The following XYLT1 variants were observed in gnomAD, a reference collection of about 807,000 sequenced individuals.
XYLT1 encodes beta-D-xylosyltransferase 1.
XYLT1 carries 36 observed loss-of-function variants against 91.3 expected under a neutral mutation model. The ratio of observed to expected loss-of-function variants is 0.39; its 90% CI spans 0.30 to 0.52. The LOEUF is 0.52. Among genes scored for constraint, XYLT1 ranks in the 20% least tolerant of loss-of-function variants. The pLI, the probability that XYLT1 is intolerant of heterozygous loss-of-function variation, is 0.68. For missense variants in XYLT1, 1,242 were observed against 1,284.5 expected (o/e 0.97, Z 0.51); for synonymous variants, 588 against 532.0 (o/e 1.11, Z -1.45).
At position 17,108,657 on chromosome 16, in the gene XYLT1, G is replaced by A. The variant is rs772392168; in HGVS notation, c.*38C>T. ...CCACAACCCCTCTGGCTGCTTTCCCGTTGAGATCCTGCTGTGGCCCACTCC... is the reference window on the plus strand; with the variant it reads ...CCACAACCCCTCTGGCTGCTTTCCCATTGAGATCCTGCTGTGGCCCACTCC... On this transcript the variant is annotated 3_prime_UTR_variant, in exon 12 of 12. Transcript: ENST00000261381. 71 of 1,516,202 alleles carry A rather than the reference G, an allele frequency of 4.7e-5. No individual in the cohort carries two copies. The highest frequency in any genetic ancestry group is 1.4e-4 in the South Asian group (11 of 76,506). 93.9% of individuals were successfully genotyped at this position (1,516,202 alleles called of 1,614,324 possible).
chr16:17,418,920 C>T (rs544943351), intron 1 of XYLT1, among the ~76,000 whole-genome samples: 1 of 152,174 alleles, frequency 6.6e-6, no homozygotes, highest in East Asian at 1.9e-4. Flanking sequence ...GGTCTCTATG[C>T]CCTCTCTGCA....
intron 1 of XYLT1, among the ~76,000 whole-genome samples, chr16:17,441,944 C>A (rs927560957): frequency 6.7e-6 from 1 of 149,788 alleles, no homozygotes; most frequent in Non-Finnish European, 1.5e-5. Flanking sequence ...CCACAGAGTA[C>A]CCAGATAGTC....
At chr16:17,376,827 CAAAAAA>C (rs10684824) in intron 1 of XYLT1, among the ~76,000 whole-genome samples, 15 of 55,670 alleles carry the variant, frequency 2.7e-4, no homozygotes, top group Admixed American at 1.2e-3. Context: ...AACTCTGTCT[CAAAAAA>C]AAAAAAAAAA....
chr16:17,365,197 A>C (rs1325198006), intron 1 of XYLT1, among the ~76,000 whole-genome samples: 6 of 151,794 alleles, frequency 4.0e-5, no homozygotes, highest in African/African-American at 2.4e-5. Context: ...CCTGGCTACC[A>C]CCCTCCACTT....
chr16:17,398,484 A>AT (rs2035918426), intron 1 of XYLT1, among the ~76,000 whole-genome samples: 1 of 152,060 alleles, frequency 6.6e-6, no homozygotes, highest in South Asian at 2.1e-4. Flanking sequence ...AGTATGAGTG[A>AT]TTTTTTTCGG....
intron 1 of XYLT1, among the ~76,000 whole-genome samples, chr16:17,412,135 C>T (rs1294375637): frequency 6.6e-6 from 1 of 152,046 alleles, no homozygotes. Flanking sequence ...AGAAGTATAC[C>T]TACAACTCCT....
chr16:17,141,318 G>A lies in XYLT1; in HGVS notation c.1422C>T (p.His474=), dbSNP rs766567010. The A allele has an allele frequency of 5.0e-6, 8 of 1,614,220 alleles. No homozygotes were observed. The Admixed American group carries it at 8.3e-5, about 17-fold the overall frequency. The part of the protein sequence containing the change: ...LDRLFLECDA[H]MWRLGDRRIP... The stretch of plus-strand genomic sequence containing the variant: ...TCCGCCGATCTCCCAGGCGCCACAT[G>A]TGAGCGTCGCACTCCAGGAAGAGCC... The change falls in exon 7 of 12, where the codon CAC becomes CAT. Residue 474 remains histidine, a synonymous_variant. Coordinates refer to ENST00000261381, the MANE Select transcript of XYLT1 (RefSeq NM_022166.4).
chr16:17,232,209 ATT>A (rs1262416580), intron 3 of XYLT1, among the ~76,000 whole-genome samples: 1 of 138,690 alleles, frequency 7.2e-6, no homozygotes, highest in Non-Finnish European at 1.5e-5. Flanking sequence ...TATAATATAT[ATT>A]ATATATACAC....
chr16:17,172,574 C>T (rs532281968), intron 5 of XYLT1, among the ~76,000 whole-genome samples: 95 of 148,472 alleles, frequency 6.4e-4, no homozygotes, highest in African/African-American at 2.1e-3. Context: ...CAGGTTCAAG[C>T]GATTATCCTG....
chr16:17,218,897 G>C (rs2032909616), intron 3 of XYLT1, among the ~76,000 whole-genome samples: 1 of 152,080 alleles, frequency 6.6e-6, no homozygotes, highest in Non-Finnish European at 1.5e-5. Flanking sequence ...ATGCCTGTGA[G>C]TGTGCTATAC....
chr16:17,304,135 G>A (rs534809377), intron 2 of XYLT1, among the ~76,000 whole-genome samples: 26 of 152,216 alleles, frequency 1.7e-4, no homozygotes, highest in African/African-American at 5.8e-4. Flanking sequence ...ACACCTTAAA[G>A]TCTGTCAGTT....
At chr16:17,423,455 A>C (rs1031461748) in intron 1 of XYLT1, among the ~76,000 whole-genome samples, 2 of 152,078 alleles carry the variant, frequency 1.3e-5, no homozygotes, top group Non-Finnish European at 2.9e-5. Context: ...TGAGGGCTGA[A>C]TACCAATCAG....
intron 5 of XYLT1, 29 bp downstream of exon 5, chr16:17,198,183 G>C (rs1240835209): frequency 6.2e-7 from 1 of 1,612,918 alleles, no homozygotes; most frequent in Admixed American, 1.7e-5. Flanking sequence ...CGTCAGACAA[G>C]ACTGGCTTGG....
chr16:17,153,401 C>T (rs2031328841), intron 6 of XYLT1, among the ~76,000 whole-genome samples: 1 of 152,140 alleles, frequency 6.6e-6, no homozygotes, highest in African/African-American at 2.4e-5. Context: ...GCATCCTATA[C>T]AAGAGGCCCC....
chr16:17,161,785 A>C (rs9930922), intron 5 of XYLT1, among the ~76,000 whole-genome samples: 1 of 151,588 alleles, frequency 6.6e-6, no homozygotes. Flanking sequence ...TATCTATCTC[A>C]TCATCAATTT....
intron 9 of XYLT1, among the ~76,000 whole-genome samples, chr16:17,129,079 A>G (rs2030371361): frequency 8.5e-6 from 1 of 117,350 alleles, no homozygotes; most frequent in Non-Finnish European, 2.1e-5. Flanking sequence ...ATAGAAAAAA[A>G]AAAAAAAAAA....
chr16:17,296,817 G>A (rs973525291), intron 2 of XYLT1, among the ~76,000 whole-genome samples: 3 of 152,164 alleles, frequency 2.0e-5, no homozygotes, highest in African/African-American at 7.2e-5. Context: ...GGGCAAAGGG[G>A]ATGTTCTCCA....
At chr16:17,408,651 G>A (rs1402821940) in intron 1 of XYLT1, among the ~76,000 whole-genome samples, 1 of 152,286 alleles carries the variant, frequency 6.6e-6, no homozygotes, top group East Asian at 1.9e-4. Context: ...TTTGAGACCA[G>A]CCTGACCAAC....
intron 5 of XYLT1, among the ~76,000 whole-genome samples, chr16:17,182,550 T>C (rs1456218170): frequency 6.6e-6 from 1 of 152,130 alleles, no homozygotes; most frequent in Non-Finnish European, 1.5e-5. Flanking sequence ...GTTCAATCTA[T>C]AGCAACAGGA....
Sources: allele counts gnomAD v4.1 joint callset (sites outside exome capture counted in the v4.1 genomes callset), GRCh38; gene constraint gnomAD v4.1.1; transcripts MANE v1.5; gene names NCBI Gene and HGNC (gene_info 2026-07-23, HGNC 2026-07-21).